WDFY4: variants seen among roughly 807,000 people sequenced by gnomAD.
WDFY4 encodes WDFY family member 4.
A neutral mutation model predicts 351.9 loss-of-function variants in WDFY4; 169 were observed. The observed-to-expected ratio is 0.48, with a 90% CI of 0.42 to 0.55. The LOEUF (loss-of-function observed/expected upper bound fraction) is 0.55. Ranked by LOEUF, WDFY4 falls within the 20% of genes least tolerant of loss-of-function variation. WDFY4 has a pLI of 0.00. For synonymous variants in WDFY4, 1,622 were observed against 1,574.6 expected (o/e 1.03, Z -0.71); for missense variants, 3,803 against 3,935.6 (o/e 0.97, Z 0.90).
chr10:48,787,888 CTTCTCCTTCTTCTT>C (rs2066491433), intron 20 of WDFY4, among the ~76,000 whole-genome samples: 13 of 73,596 alleles, frequency 1.8e-4, no homozygotes, highest in African/African-American at 1.1e-3. Context: ...CTTTCTTCTT[CTTCTCCTTCTTCTT>C]CTTCTTCTTC....
intron 47 of WDFY4, among the ~76,000 whole-genome samples, chr10:48,918,295 G>C (rs1372264609): frequency 3.9e-5 from 6 of 152,080 alleles, no homozygotes; most frequent in African/African-American, 1.2e-4. Flanking sequence ...TATCAGGATA[G>C]ATTACAAAAG....
intron 43 of WDFY4, among the ~76,000 whole-genome samples, chr10:48,881,615 A>C (rs2070252398): frequency 6.6e-6 from 1 of 152,226 alleles, no homozygotes; most frequent in South Asian, 2.1e-4. Context: ...GCAGGGAAGA[A>C]CATAAGAAAG....
intron 41 of WDFY4, among the ~76,000 whole-genome samples, chr10:48,874,709 A>G (rs537586935): frequency 1.3e-5 from 2 of 152,362 alleles, no homozygotes; most frequent in African/African-American, 4.8e-5. Flanking sequence ...GACAAAGCCA[A>G]GGGCTGGCTA....
intron 11 of WDFY4, among the ~76,000 whole-genome samples, chr10:48,736,423 C>T (rs1372438713): frequency 6.6e-6 from 1 of 152,216 alleles, no homozygotes; most frequent in Non-Finnish European, 1.5e-5. Flanking sequence ...ATTTTCTGTC[C>T]AATTTTCTTT....
chr10:48,754,174 G>A (rs1158202926), intron 12 of WDFY4, among the ~76,000 whole-genome samples: 1 of 148,888 alleles, frequency 6.7e-6, no homozygotes, highest in African/African-American at 2.5e-5. Context: ...CTAGCATTTT[G>A]TTTAGGATTT....
intron 42 of WDFY4, among the ~76,000 whole-genome samples, chr10:48,875,786 C>T (rs1004307696): frequency 1.3e-5 from 2 of 152,210 alleles, no homozygotes; most frequent in East Asian, 1.9e-4. Flanking sequence ...AGCTTGCTAC[C>T]TTGCCTGTCT....
At chr10:48,955,081 T>C (rs1052355595) in intron 51 of WDFY4, among the ~76,000 whole-genome samples, 3 of 152,090 alleles carry the variant, frequency 2.0e-5, no homozygotes, top group Non-Finnish European at 2.9e-5. Flanking sequence ...GGACGAGGAG[T>C]AGGCATCAAT....
chr10:48,777,366 G>A (rs779923577), intron 16 of WDFY4, 53 bp from the exon 17 acceptor site: 2 of 1,483,252 alleles, frequency 1.3e-6, no homozygotes, highest in Non-Finnish European at 1.8e-6. Context: ...AGCTGTGTCA[G>A]TGCAAGAGAT....
chr10:48,883,185 T>C (rs995894972), intron 43 of WDFY4, among the ~76,000 whole-genome samples: 1 of 152,212 alleles, frequency 6.6e-6, no homozygotes, highest in African/African-American at 2.4e-5. Flanking sequence ...CAACATGGCA[T>C]CTCTGCCTGG....
At chr10:48,918,737 T>C (rs934637403) in intron 47 of WDFY4, among the ~76,000 whole-genome samples, 7 of 136,242 alleles carry the variant, frequency 5.1e-5, no homozygotes, top group African/African-American at 1.9e-4. Flanking sequence ...AGGTAATTAT[T>C]TGTTGTCAGC....
chr10:48,817,444 G>T (rs1304431999), intron 32 of WDFY4, 35 bp downstream of exon 32: 4 of 1,518,738 alleles, frequency 2.6e-6, no homozygotes, highest in Non-Finnish European at 3.6e-6. Context: ...AGAGAGAGCA[G>T]TTGTGAGCAT....
chr10:48,974,527 A>AAAAAAAAAAAAAAAAAAAAAGAAC, intron 57 of WDFY4, among the ~76,000 whole-genome samples: 1 of 23,148 alleles, frequency 4.3e-5, no homozygotes, highest in African/African-American at 7.3e-5. Context: ...AAAAAAAAAA[A>AAAAAAAAAAAAAAAAAAAAAGAAC]AACAACTCAT....
At chr10:48,887,301 T>TG (rs895071489) in intron 43 of WDFY4, among the ~76,000 whole-genome samples, 2 of 152,330 alleles carry the variant, frequency 1.3e-5, no homozygotes, top group South Asian at 2.1e-4. Flanking sequence ...AACCTGAGGT[T>TG]GGGGTCTCTG....
intron 2 of WDFY4, among the ~76,000 whole-genome samples, chr10:48,715,357 G>C (rs2063873861): frequency 6.6e-6 from 1 of 152,216 alleles, no homozygotes; most frequent in Admixed American, 6.5e-5. Context: ...CTGGAAAAGT[G>C]GGTAACATAA....
chr10:48,832,092 A>G (rs181437932), intron 38 of WDFY4, among the ~76,000 whole-genome samples: 1 of 152,394 alleles, frequency 6.6e-6, no homozygotes, highest in African/African-American at 2.4e-5. Context: ...AAAGTAAAAT[A>G]GGATATACAT....
At chr10:48,694,951 T>C (rs577060232) in intron 1 of WDFY4, among the ~76,000 whole-genome samples, 1 of 152,286 alleles carries the variant, frequency 6.6e-6, no homozygotes, top group South Asian at 2.1e-4. Flanking sequence ...CTGCATCTGC[T>C]TCCTTGCTGG....
At chr10:48,913,455 T>A (rs974063948) in intron 47 of WDFY4, 1 of 1,613,676 alleles carries the variant, frequency 6.2e-7, no homozygotes, top group African/African-American at 1.3e-5. Flanking sequence ...AAAGATGGTC[T>A]TTCTCGGTGT....
chr10:48,897,587 G>A lies in WDFY4; in HGVS notation c.7437+13G>A. On this transcript the variant is annotated intron_variant, in intron 45 of 61. Coordinates refer to ENST00000325239, the MANE Select transcript of WDFY4 (RefSeq NM_001394531.1). ...CTTCCTCCTGCAGGTAAGCACACTG[G>A]GTGCTGGCACGCCTGGGGCCTGCGA... 6.5e-7 allele frequency: 1 copy of A among 1,543,162 alleles called. No homozygotes were observed. The highest frequency in any genetic ancestry group is 8.7e-7 in the Non-Finnish European group (1 of 1,146,326).
intron 47 of WDFY4, among the ~76,000 whole-genome samples, chr10:48,905,082 C>T (rs1234749751): frequency 2.0e-5 from 3 of 152,192 alleles, no homozygotes; most frequent in Admixed American, 6.5e-5. Context: ...TGCAGCTCAC[C>T]CTTTGATGAA....
Sources: gnomAD v4.1 joint callset for allele counts (sites outside exome capture counted in the v4.1 genomes callset) on GRCh38, gnomAD v4.1.1 for gene constraint, MANE v1.5 for transcripts, NCBI Gene and HGNC (gene_info 2026-07-23, HGNC 2026-07-21) for gene names.